RSF1: variants seen among roughly 807,000 people sequenced by gnomAD.
RSF1 encodes remodeling and spacing factor 1.
In RSF1, 13 loss-of-function variants were observed where a neutral mutation model predicts 145.2. The ratio of observed to expected loss-of-function variants is 0.09; its 90% CI spans 0.06 to 0.14. RSF1 has a LOEUF of 0.14. Ranked by LOEUF, RSF1 falls within the 10% of genes least tolerant of loss-of-function variation. RSF1 has a pLI of 1.00. For synonymous variants in RSF1, 577 were observed against 592.6 expected, an observed-to-expected ratio of 0.97 and a Z score of 0.38; for missense variants, 1,517 against 1,718.2, an observed-to-expected ratio of 0.88 and a Z score of 2.07.
intron 11 of RSF1, among the ~76,000 whole-genome samples, chr11:77,678,363 C>T (rs1959769256): frequency 2.0e-5 from 3 of 151,964 alleles, no homozygotes; most frequent in African/African-American, 4.8e-5. Context: ...ACTACAGACG[C>T]GTGCCACCAA....
At chr11:77,776,982 C>T (rs531080850) in intron 1 of RSF1, among the ~76,000 whole-genome samples, 39 of 152,222 alleles carry the variant, frequency 2.6e-4, no homozygotes, top group African/African-American at 8.2e-4. Flanking sequence ...AACTTCTACC[C>T]AGCAAAATGG....
At chr11:77,668,470 C>T (rs1190631201) in intron 15 of RSF1, among the ~76,000 whole-genome samples, 1 of 152,232 alleles carries the variant, frequency 6.6e-6, no homozygotes, top group African/African-American at 2.4e-5. Flanking sequence ...CTCTTAAACA[C>T]TGTGCCAACT....
intron 1 of RSF1, among the ~76,000 whole-genome samples, chr11:77,805,631 C>T (rs762366123): frequency 1.3e-5 from 2 of 151,986 alleles, no homozygotes; most frequent in African/African-American, 2.4e-5. Flanking sequence ...GCATACTTAA[C>T]GTTTATATAG....
the RSF1 span, among the ~76,000 whole-genome samples, chr11:77,863,400 G>A: frequency 1.3e-5 from 2 of 152,126 alleles, no homozygotes; most frequent in East Asian, 1.9e-4. Flanking sequence ...AACAAAACAC[G>A]GACCAGAAGA....
intron 5 of RSF1, among the ~76,000 whole-genome samples, chr11:77,712,842 C>T (rs979272547): frequency 6.6e-6 from 1 of 152,112 alleles, no homozygotes; most frequent in African/African-American, 2.4e-5. Context: ...TATTTTGTTA[C>T]TAAAACTCTT....
rs560302450 is a variant in RSF1 at position 77,696,353 on chromosome 11, C to A, written c.2715+2134G>T. 2.9e-3 allele frequency among the ~76,000 whole-genome samples: 436 copies of A among 152,252 alleles called. 1 individual carries two copies. Among genetic ancestry groups the A allele is most frequent in the Non-Finnish European group, 5.0e-3 (339 of 68,004 alleles). On this transcript the variant is annotated intron_variant, in intron 7 of 15. Coordinates refer to ENST00000308488, the MANE Select transcript of RSF1 (RefSeq NM_016578.4). Reference sequence around the variant, plus strand: ...CCTTAGAGTTCTATATTCATTTATACATTTATTGCTTTTCTGCTGTTAAAG... The same window carrying A: ...CCTTAGAGTTCTATATTCATTTATAAATTTATTGCTTTTCTGCTGTTAAAG...
chr11:77,837,485 C>T, the RSF1 span, among the ~76,000 whole-genome samples: 2 of 145,654 alleles, frequency 1.4e-5, no homozygotes, highest in Non-Finnish European at 3.0e-5. Flanking sequence ...GATGGAGTCT[C>T]GCTCTGTCAC....
At chr11:77,832,401 G>A in the RSF1 span, among the ~76,000 whole-genome samples, 1 of 150,758 alleles carries the variant, frequency 6.6e-6, no homozygotes, top group African/African-American at 2.4e-5. Flanking sequence ...ATCTCGGCTC[G>A]CTGCAACCTC....
the RSF1 span, chr11:77,842,438 T>C: frequency 6.3e-7 from 1 of 1,579,592 alleles, no homozygotes; most frequent in Non-Finnish European, 8.6e-7. Flanking sequence ...GTTTCAGCCT[T>C]ACTTTATAAC....
chr11:77,677,818 G>C (rs1959748265), intron 12 of RSF1, among the ~76,000 whole-genome samples: 1 of 152,134 alleles, frequency 6.6e-6, no homozygotes, highest in African/African-American at 2.4e-5. Context: ...TATGGAATCA[G>C]AAGTAAATTT....
At chr11:77,842,690 A>G in the RSF1 span, 22 of 1,590,950 alleles carry the variant, frequency 1.4e-5, no homozygotes, top group Non-Finnish European at 1.7e-5. Flanking sequence ...CAACTTCCTA[A>G]GCTGCAATGA....
At chr11:77,774,860 G>A (rs1948325880) in intron 1 of RSF1, among the ~76,000 whole-genome samples, 2 of 149,960 alleles carry the variant, frequency 1.3e-5, no homozygotes, top group South Asian at 4.2e-4. Context: ...TCTGCTTCCC[G>A]GGTTCCAGTG....
rs373940823 is a variant in RSF1, at chr11:77,760,149, C to T, written c.279+4449G>A. Among the ~76,000 whole-genome samples the T allele has an allele frequency of 7.2e-5, 11 of 152,184 alleles. No homozygotes were observed. The East Asian group carries it at 1.4e-3, about 19-fold the overall frequency. On this transcript the variant is annotated intron_variant, in intron 2 of 15. Transcript: ENST00000308488. The stretch of plus-strand genomic sequence containing the variant: ...CACAAATGTCCATAGCAGCATTATT[C>T]CTAATAGACAACAAAGTGGGAAACA...
At chr11:77,728,878 A>C (rs1358833105) in intron 4 of RSF1, among the ~76,000 whole-genome samples, 1 of 151,730 alleles carries the variant, frequency 6.6e-6, no homozygotes, top group African/African-American at 2.4e-5. Context: ...AAAAAAAAAA[A>C]CTGCTCAATT....
At chr11:77,810,734 T>C (rs1041586898) in intron 1 of RSF1, among the ~76,000 whole-genome samples, 2 of 152,154 alleles carry the variant, frequency 1.3e-5, no homozygotes, top group African/African-American at 4.8e-5. Flanking sequence ...CTAATTTGTA[T>C]TTTTAATAGA....
At chr11:77,764,170 T>C (rs902173619) in intron 2 of RSF1, 5 of 157,888 alleles carry the variant, frequency 3.2e-5, no homozygotes, top group Non-Finnish European at 6.9e-5. Flanking sequence ...ATGACCACTA[T>C]TGGTCTGTGG....
chr11:77,701,023 T>C lies in RSF1; in HGVS notation c.2206A>G (p.Thr736Ala), dbSNP rs772048091. The change falls in exon 6 of 16, where the codon ACA (threonine) becomes GCA (alanine). Residue 736 changes from threonine (T) to alanine (A), a missense_variant. Around this residue, in one of 12 missense-constraint regions of RSF1, gnomAD observed 579 missense variants for 553.5 expected, o/e 1.05. Transcript: ENST00000308488. ...SERQKEGIKL[T>A]IRISSRKKKP... ...TTTTTCCGACTTGATATCCTGATTGTTAATTTGATGCCCTCTTTCTGCCTT... is the reference window on the plus strand; with the variant it reads ...TTTTTCCGACTTGATATCCTGATTGCTAATTTGATGCCCTCTTTCTGCCTT... The C allele has an allele frequency of 6.2e-7, 1 of 1,613,824 alleles. No individual in the cohort carries two copies. The highest frequency in any genetic ancestry group is 1.3e-5 in the African/African-American group (1 of 75,052).
At chr11:77,686,516 A>G (rs2135831753) in intron 9 of RSF1, among the ~76,000 whole-genome samples, 1 of 151,598 alleles carries the variant, frequency 6.6e-6, no homozygotes, top group East Asian at 1.9e-4. Context: ...ATTGAACTGA[A>G]CTGAAATAGT....
chr11:77,858,911 C>G, the RSF1 span, among the ~76,000 whole-genome samples: 98 of 152,284 alleles, frequency 6.4e-4, no homozygotes, highest in African/African-American at 2.2e-3. Context: ...GTTAGAGATA[C>G]AGGGATTGAA....
Sources: gnomAD v4.1 joint callset for allele counts (sites outside exome capture counted in the v4.1 genomes callset) on GRCh38, gnomAD v4.1.1 for gene constraint, gnomAD v4.1.1 regional missense constraint, MANE v1.5 for transcripts, NCBI Gene and HGNC (gene_info 2026-07-23, HGNC 2026-07-21) for gene names.